Variants in COL21A1 observed in about 807,000 individuals in gnomAD.
COL21A1 encodes collagen type XXI alpha 1 chain.
Under a neutral mutation model 137.9 loss-of-function variants are expected in COL21A1, and 149 were observed. The observed-to-expected ratio is 1.08, with a 90% CI of 0.95 to 1.24. The LOEUF is 1.24. Ranked by LOEUF, COL21A1 falls within the 50% of genes most tolerant of loss-of-function variation. COL21A1 has a pLI of 0.00. For missense variants in COL21A1, 1,167 were observed against 1,158.4 expected, an observed-to-expected ratio of 1.01 and a Z score of -0.11; for synonymous variants, 456 against 391.5, an observed-to-expected ratio of 1.16 and a Z score of -1.95.
chr6:56,095,678 T>TA (rs1769251516), intron 17 of COL21A1, among the ~76,000 whole-genome samples: 1 of 152,128 alleles, frequency 6.6e-6, no homozygotes, highest in African/African-American at 2.4e-5. Flanking sequence ...TCTGCCTCTA[T>TA]ATTTTGGAAC....
At chr6:56,166,344 C>G (rs1196512550) in intron 7 of COL21A1, among the ~76,000 whole-genome samples, 2 of 152,070 alleles carry the variant, frequency 1.3e-5, no homozygotes, top group African/African-American at 4.8e-5. Context: ...TAGTCATAGT[C>G]ATAGACGACG....
chr6:56,234,625 A>T (rs1284453029), intron 1 of COL21A1, among the ~76,000 whole-genome samples: 1 of 151,752 alleles, frequency 6.6e-6, no homozygotes, highest in Non-Finnish European at 1.5e-5. Context: ...AATACAAAAA[A>T]TTTGCACTTT....
intron 1 of COL21A1, among the ~76,000 whole-genome samples, chr6:56,215,425 C>A (rs1434060480): frequency 6.6e-6 from 1 of 152,034 alleles, no homozygotes; most frequent in Non-Finnish European, 1.5e-5. Context: ...CCTGGCAGTG[C>A]AACTATGGAT....
At chr6:56,163,211 G>A (rs1357519003) in intron 9 of COL21A1, among the ~76,000 whole-genome samples, 1 of 152,168 alleles carries the variant, frequency 6.6e-6, no homozygotes, top group Non-Finnish European at 1.5e-5. Context: ...GTCGCTTCAA[G>A]TAAGAGGTGA....
chr6:56,232,794 T>C (rs941073647), intron 1 of COL21A1, among the ~76,000 whole-genome samples: 2 of 151,932 alleles, frequency 1.3e-5, no homozygotes, highest in Admixed American at 6.6e-5. Context: ...GTCCAAAATG[T>C]TCACTACATA....
chr6:56,374,348 T>C (rs901317306), intron 1 of COL21A1, among the ~76,000 whole-genome samples: 2 of 152,204 alleles, frequency 1.3e-5, no homozygotes, highest in Non-Finnish European at 1.5e-5. Context: ...CTGCAAATAA[T>C]TGAAGACATC....
intron 1 of COL21A1, among the ~76,000 whole-genome samples, chr6:56,280,964 C>T (rs1763774183): frequency 6.6e-6 from 1 of 152,110 alleles, no homozygotes; most frequent in Non-Finnish European, 1.5e-5. Flanking sequence ...ATGACTGTGC[C>T]ACTGCACTCC....
intron 1 of COL21A1, among the ~76,000 whole-genome samples, chr6:56,374,933 G>A (rs909071801): frequency 9.2e-5 from 14 of 151,768 alleles, no homozygotes; most frequent in African/African-American, 3.1e-4. Context: ...TTCTCCAGGT[G>A]GAAATTTGCC....
chr6:56,201,920 G>T (rs1029170144), intron 1 of COL21A1, among the ~76,000 whole-genome samples: 1 of 151,968 alleles, frequency 6.6e-6, no homozygotes, highest in Non-Finnish European at 1.5e-5. Flanking sequence ...TTTTAAACTT[G>T]TTTCATAAAA....
chr6:56,157,899 A>G (rs994885475), intron 9 of COL21A1, among the ~76,000 whole-genome samples: 4 of 152,206 alleles, frequency 2.6e-5, no homozygotes, highest in Admixed American at 2.6e-4. Context: ...ATGAAGAAAA[A>G]AAACTTTATC....
In COL21A1 at chr6:56,164,568, G is replaced by A. The variant is rs149679679; in HGVS notation, c.1288-62C>T. 1.7e-3 allele frequency: 1,955 copies of A among 1,174,686 alleles called. 24 individuals are homozygous for A. In the African/African-American group the frequency reaches 0.023, roughly 14 times the overall value. 72.8% of individuals were successfully genotyped at this position (1,174,686 alleles called of 1,614,324 possible). ...GAAAGACATATAAGTACATGCACAC[G>A]TATGTTTATGCATTTATATATTTGT... On this transcript the variant is annotated intron_variant, in intron 8 of 29. Transcript: ENST00000244728.
At chr6:56,172,379 G>C (rs1259232874) in intron 3 of COL21A1, among the ~76,000 whole-genome samples, 1 of 152,106 alleles carries the variant, frequency 6.6e-6, no homozygotes, top group Non-Finnish European at 1.5e-5. Flanking sequence ...CATATTCAAA[G>C]TGCTGAAAGG....
chr6:56,064,082 G>A (rs1468919178), intron 24 of COL21A1, among the ~76,000 whole-genome samples: 1 of 152,106 alleles, frequency 6.6e-6, no homozygotes, highest in African/African-American at 2.4e-5. Context: ...ATCTTACTGT[G>A]TGTCTGTTCT....
At chr6:56,303,100 G>T (rs1452895271) in intron 1 of COL21A1, among the ~76,000 whole-genome samples, 2 of 152,140 alleles carry the variant, frequency 1.3e-5, no homozygotes, top group African/African-American at 2.4e-5. Flanking sequence ...TCTCTGTTTT[G>T]GTACCAGTAC....
chr6:56,267,662 A>G (rs1763421992), intron 1 of COL21A1, among the ~76,000 whole-genome samples: 1 of 150,442 alleles, frequency 6.6e-6, no homozygotes, highest in Non-Finnish European at 1.5e-5. Flanking sequence ...AGGCTGAGGC[A>G]GGGAGAATCG....
chr6:56,341,179 T>G (rs891507892), intron 1 of COL21A1, among the ~76,000 whole-genome samples: 4 of 149,420 alleles, frequency 2.7e-5, no homozygotes, highest in African/African-American at 9.7e-5. Flanking sequence ...AAATAAGAAA[T>G]TTAAAACTGA....
chr6:56,271,068 T>C (rs1486431360), intron 1 of COL21A1, among the ~76,000 whole-genome samples: 1 of 151,780 alleles, frequency 6.6e-6, no homozygotes, highest in Non-Finnish European at 1.5e-5. Context: ...CAGGAAGAGG[T>C]TGGAACAGTT....
intron 1 of COL21A1, among the ~76,000 whole-genome samples, chr6:56,292,801 C>CTCTA (rs1383759374): frequency 3.3e-5 from 5 of 152,176 alleles, no homozygotes; most frequent in Non-Finnish European, 5.9e-5. Flanking sequence ...AGTGGAGGAT[C>CTCTA]TCTAACTCAA....
At chr6:56,286,841 T>C (rs539811396) in intron 1 of COL21A1, among the ~76,000 whole-genome samples, 1 of 152,306 alleles carries the variant, frequency 6.6e-6, no homozygotes, top group African/African-American at 2.4e-5. Context: ...TAACATTCTA[T>C]AGAAATAAGC....
Sources: allele counts gnomAD v4.1 joint callset (sites outside exome capture counted in the v4.1 genomes callset), GRCh38; gene constraint gnomAD v4.1.1; transcripts MANE v1.5; gene names NCBI Gene and HGNC (gene_info 2026-07-23, HGNC 2026-07-21).